The following TMC7 variants were observed in gnomAD, a reference collection of about 807,000 sequenced individuals.
The protein encoded by TMC7 is transmembrane channel like 7.
In TMC7, 54 loss-of-function variants were observed where a neutral mutation model predicts 82.9. The ratio of observed to expected loss-of-function variants is 0.65; its 90% CI spans 0.52 to 0.82. The LOEUF is 0.82. Among genes scored for constraint, TMC7 ranks in the 40% least tolerant of loss-of-function variants. TMC7 has a pLI of 0.00. For missense variants in TMC7, 820 were observed against 901.2 expected (o/e 0.91, Z 1.15); for synonymous variants, 350 against 337.9 (o/e 1.04, Z -0.39).
intron 3 of TMC7, among the ~76,000 whole-genome samples, chr16:19,021,006 A>G (rs1959946748): frequency 6.6e-6 from 1 of 152,194 alleles, no homozygotes; most frequent in Admixed American, 6.5e-5. Context: ...ATGTTGATGG[A>G]TCAGAAGACT....
At chr16:19,013,546 C>T (rs1426445066) in intron 2 of TMC7, among the ~76,000 whole-genome samples, 1 of 150,758 alleles carries the variant, frequency 6.6e-6, no homozygotes, top group Non-Finnish European at 1.5e-5. Context: ...GAGACGGAAT[C>T]TCACTCTGTC....
At chr16:18,984,910 T>C (rs1390330504) in intron 1 of TMC7, among the ~76,000 whole-genome samples, 1 of 152,252 alleles carries the variant, frequency 6.6e-6, no homozygotes, top group African/African-American at 2.4e-5. Context: ...GACCCTGCTG[T>C]AAAGTTTTAT....
At chr16:18,998,185 G>A (rs2142138963) in intron 1 of TMC7, among the ~76,000 whole-genome samples, 1 of 152,290 alleles carries the variant, frequency 6.6e-6, no homozygotes, top group South Asian at 2.1e-4. Flanking sequence ...GCTGACGTCT[G>A]TTCTAAGCAC....
At chr16:19,007,398 A>T (rs148453624) in intron 1 of TMC7, among the ~76,000 whole-genome samples, 55 of 152,324 alleles carry the variant, frequency 3.6e-4, no homozygotes, top group African/African-American at 1.3e-3. Flanking sequence ...GGGACCACGC[A>T]GAGGGCCAGG....
At chr16:19,002,815 C>A (rs1007328043) in intron 1 of TMC7, among the ~76,000 whole-genome samples, 1 of 152,250 alleles carries the variant, frequency 6.6e-6, no homozygotes, top group African/African-American at 2.4e-5. Flanking sequence ...GCAGCCCACG[C>A]TGACCACAGG....
intron 1 of TMC7, among the ~76,000 whole-genome samples, chr16:19,001,823 C>T (rs2039146335): frequency 6.6e-6 from 1 of 152,166 alleles, no homozygotes; most frequent in Non-Finnish European, 1.5e-5. Flanking sequence ...TCTCCAGAGT[C>T]CCAACCTCCA....
intron 1 of TMC7, among the ~76,000 whole-genome samples, chr16:19,007,034 A>T (rs554271024): frequency 1.3e-5 from 2 of 150,658 alleles, no homozygotes; most frequent in African/African-American, 4.9e-5. Flanking sequence ...CATGTTGGCC[A>T]GGCTGGTCTT....
chr16:19,017,178 CTG>C (rs1271431465), intron 3 of TMC7, among the ~76,000 whole-genome samples: 5 of 152,076 alleles, frequency 3.3e-5, no homozygotes, highest in Admixed American at 2.0e-4. Flanking sequence ...GAGTGAGACT[CTG>C]TCTCAAAAGA....
intron 1 of TMC7, among the ~76,000 whole-genome samples, chr16:19,005,883 G>A (rs1466905161): frequency 6.6e-6 from 1 of 152,176 alleles, no homozygotes; most frequent in East Asian, 1.9e-4. Flanking sequence ...AAGGGTGGGT[G>A]AGGCTCGTAG....
At position 19,009,415 on chromosome 16, in the gene TMC7, G is replaced by A; in HGVS notation, c.311G>A (p.Arg104Lys). The change falls in exon 2 of 16, where the codon AGG (arginine) becomes AAG (lysine). Residue 104 changes from arginine (R) to lysine (K), a missense_variant and splice_region_variant. Coordinates refer to ENST00000304381, the MANE Select transcript of TMC7 (RefSeq NM_024847.4). ...ALNISEKRRL[R>K]DIQETQMKYL... ...AACATCTCTGAGAAGCGGAGACTAA[G>A]GTTTGTTCACTAGCCACCTGGAACC... is the stretch of plus-strand genomic sequence containing the variant. The A allele has an allele frequency of 6.2e-7, 1 of 1,610,126 alleles. No individual in the cohort carries two copies. Among genetic ancestry groups the A allele is most frequent in the Non-Finnish European group, 8.5e-7 (1 of 1,176,934 alleles).
intron 1 of TMC7, among the ~76,000 whole-genome samples, chr16:19,008,553 G>A (rs926324193): frequency 6.6e-6 from 1 of 152,116 alleles, no homozygotes; most frequent in Non-Finnish European, 1.5e-5. Flanking sequence ...CCAGAGACAA[G>A]CAGAAGTCTG....
chr16:19,045,478 C>A (rs758539263), intron 11 of TMC7, 40 bp downstream of exon 11: 7 of 1,307,058 alleles, frequency 5.4e-6, no homozygotes, highest in Non-Finnish European at 7.8e-6. Flanking sequence ...CCCCACCACA[C>A]ACATGCACAC....
chr16:19,009,037 A>T, intron 1 of TMC7, 135 bp from the exon 2 acceptor site: 1 of 1,004,170 alleles, frequency 1.0e-6, no homozygotes, highest in Non-Finnish European at 1.5e-6. Flanking sequence ...AAATAAAATA[A>T]GATCAAAATG....
At chr16:18,996,521 G>A (rs371047240) in intron 1 of TMC7, among the ~76,000 whole-genome samples, 5 of 152,260 alleles carry the variant, frequency 3.3e-5, no homozygotes, top group African/African-American at 7.2e-5. Flanking sequence ...AACTACTGTC[G>A]AGTTTGTATT....
intron 1 of TMC7, among the ~76,000 whole-genome samples, chr16:18,988,588 G>A (rs1334887741): frequency 6.6e-6 from 1 of 152,038 alleles, no homozygotes; most frequent in African/African-American, 2.4e-5. Flanking sequence ...ACCATACCCA[G>A]CCCAATTTTT....
Position 19,023,135 on chromosome 16 carries a change from A to C in TMC7, c.651A>C (p.Pro217=). Residue 217 remains proline (P), a synonymous_variant, in exon 5 of 16, where the codon CCA becomes CCC. Coordinates refer to ENST00000304381, the MANE Select transcript of TMC7 (RefSeq NM_024847.4). ...KDMDKQCTVY[P]VSSSGLIYFY... is the part of the protein sequence containing the mutation. ...CAGATAAACAATGTACAGTCTATCC[A>C]GTAAGCAGTTCTGGACTCATTTACT... is the stretch of plus-strand genomic sequence containing the variant. The C allele has an allele frequency of 6.2e-7, 1 of 1,609,420 alleles. No homozygotes were observed. The highest frequency in any genetic ancestry group is 8.5e-7 in the Non-Finnish European group (1 of 1,176,542).
intron 3 of TMC7, among the ~76,000 whole-genome samples, chr16:19,020,603 CACGCCT>C (rs1959918354): frequency 6.6e-6 from 1 of 152,138 alleles, no homozygotes; most frequent in Non-Finnish European, 1.5e-5. Flanking sequence ...CGTGGTGGCT[CACGCCT>C]ATAATCCCAG....
At chr16:19,023,727 G>A (rs71382595) in intron 5 of TMC7, among the ~76,000 whole-genome samples, 2,420 of 152,310 alleles carry the variant, frequency 0.016, 40 homozygotes, top group Non-Finnish European at 0.025. Context: ...GGTTATAGGC[G>A]TGAGCCACCA....
intron 1 of TMC7, among the ~76,000 whole-genome samples, chr16:19,001,326 T>TA (rs1266267248): frequency 1.3e-5 from 2 of 152,118 alleles, no homozygotes; most frequent in Non-Finnish European, 2.9e-5. Context: ...CAGAAAGAGA[T>TA]AAGGTCCCTG....
Sources: gnomAD v4.1 joint callset for allele counts (sites outside exome capture counted in the v4.1 genomes callset) on GRCh38, gnomAD v4.1.1 for gene constraint, MANE v1.5 for transcripts, NCBI Gene and HGNC (gene_info 2026-07-23, HGNC 2026-07-21) for gene names.